MYO16: variants seen among roughly 807,000 people sequenced by gnomAD.
MYO16 encodes unconventional myosin-XVI.
MYO16 carries 94 observed loss-of-function variants against 205.3 expected under a neutral mutation model. That is an observed-to-expected ratio of 0.46 (90% confidence interval 0.39 to 0.54). The LOEUF (loss-of-function observed/expected upper bound fraction) is 0.54. MYO16 is among the 20% of genes least tolerant of loss of function. The pLI is 0.00. For synonymous variants in MYO16, 988 were observed against 954.0 expected, an observed-to-expected ratio of 1.04 and a Z score of -0.66; for missense variants, 2,315 against 2,387.5, an observed-to-expected ratio of 0.97 and a Z score of 0.63.
chr13:108,704,153 A>T (rs1883412945), intron 2 of MYO16, among the ~76,000 whole-genome samples: 1 of 152,210 alleles, frequency 6.6e-6, no homozygotes, highest in South Asian at 2.1e-4. Flanking sequence ...TGTGTAAACT[A>T]GCCATCCGAG....
At chr13:108,715,017 T>G (rs1883886702) in intron 3 of MYO16, among the ~76,000 whole-genome samples, 1 of 152,198 alleles carries the variant, frequency 6.6e-6, no homozygotes, top group Non-Finnish European at 1.5e-5. Context: ...GTGTCACTTC[T>G]GTATCTGAAA....
chr13:109,023,254 A>T, intron 23 of MYO16, among the ~76,000 whole-genome samples: 1 of 101,774 alleles, frequency 9.8e-6, no homozygotes, highest in African/African-American at 3.9e-5. Flanking sequence ...ATATATATTT[A>T]TATATTATAC....
chr13:108,943,703 G>C (rs1275008772), intron 16 of MYO16, among the ~76,000 whole-genome samples: 1 of 151,646 alleles, frequency 6.6e-6, no homozygotes, highest in Admixed American at 6.6e-5. Flanking sequence ...CACCTGCCTC[G>C]GCCTCCCAAA....
intron 20 of MYO16, among the ~76,000 whole-genome samples, chr13:108,976,115 C>G (rs1047023518): frequency 7.9e-5 from 12 of 151,990 alleles, no homozygotes; most frequent in African/African-American, 2.7e-4. Context: ...AAAAGCAGAG[C>G]AATAAGAAAA....
intron 23 of MYO16, among the ~76,000 whole-genome samples, chr13:109,042,913 A>C (rs946663276): frequency 6.6e-6 from 1 of 152,232 alleles, no homozygotes; most frequent in African/African-American, 2.4e-5. Flanking sequence ...GCCATCAGCA[A>C]ATGTTTGTCG....
At chr13:108,616,021 C>T (rs1300387483) in intron 1 of MYO16, among the ~76,000 whole-genome samples, 1 of 152,198 alleles carries the variant, frequency 6.6e-6, no homozygotes, top group Non-Finnish European at 1.5e-5. Context: ...CATGGCACTG[C>T]ATAAACACTT....
chr13:109,126,395 A>G (rs1047607403), intron 30 of MYO16, among the ~76,000 whole-genome samples: 8 of 152,218 alleles, frequency 5.3e-5, no homozygotes, highest in Non-Finnish European at 1.0e-4. Context: ...ACAGAAAGAT[A>G]TAATTATAAA....
chr13:108,688,818 A>G (rs778292974), intron 2 of MYO16, among the ~76,000 whole-genome samples: 3 of 152,196 alleles, frequency 2.0e-5, no homozygotes, highest in Non-Finnish European at 4.4e-5. Flanking sequence ...GGAAGCAGTG[A>G]TGTGTGAGTT....
intron 31 of MYO16, among the ~76,000 whole-genome samples, chr13:109,131,458 C>T (rs1390203294): frequency 2.0e-5 from 3 of 152,118 alleles, no homozygotes; most frequent in Admixed American, 6.5e-5. Context: ...GCCTCAAAAG[C>T]GTGAAACAAT....
In MYO16 at chr13:108,766,581, A is replaced by G. The variant is rs377539352; in HGVS notation, c.508-19054A>G. 8.5e-5 allele frequency among the ~76,000 whole-genome samples: 13 copies of G among 152,302 alleles called. No individual in the cohort carries two copies. The East Asian group carries it at 9.7e-4, about 11-fold the overall frequency. On this transcript the variant is annotated intron_variant, in intron 4 of 34. Transcript: ENST00000457511. ...ACCCTTATAAAATCGCCTTCATACC[A>G]ATTGCCTGCATCAACAACAGTAAAG...
At position 108,720,761 on chromosome 13, in the gene MYO16, G is replaced by A. The variant is rs72666757; in HGVS notation, c.364-6679G>A. 4.4e-3 allele frequency among the ~76,000 whole-genome samples: 666 copies of A among 152,306 alleles called. 2 individuals carry two copies. Among genetic ancestry groups the A allele is most frequent in the Non-Finnish European group, 5.6e-3 (378 of 68,024 alleles). ...CTTGCATTGTAAAACATGTAGACTTGTGAAAAGTCATGTTAAAATAGATCC... is the reference window on the plus strand; with the variant it reads ...CTTGCATTGTAAAACATGTAGACTTATGAAAAGTCATGTTAAAATAGATCC... On this transcript the variant is annotated intron_variant, in intron 3 of 34. Transcript: ENST00000457511.
intron 20 of MYO16, among the ~76,000 whole-genome samples, chr13:108,965,401 CT>C (rs1184144164): frequency 8.5e-5 from 13 of 152,074 alleles, no homozygotes; most frequent in East Asian, 7.7e-4. Flanking sequence ...TATCCCTAAT[CT>C]TTTTTTTATT....
chr13:108,832,675 A>G (rs966975223), intron 9 of MYO16, among the ~76,000 whole-genome samples: 2 of 152,208 alleles, frequency 1.3e-5, no homozygotes, highest in Non-Finnish European at 2.9e-5. Flanking sequence ...TTCACTTCAC[A>G]TTAATATATT....
Position 108,751,544 on chromosome 13 carries a change from C to T in MYO16, c.507+23961C>T, listed in dbSNP as rs1277860141. 3.3e-5 allele frequency among the ~76,000 whole-genome samples: 5 copies of T among 152,224 alleles called. No individual in the cohort carries two copies. The East Asian group carries it at 5.8e-4, about 18-fold the overall frequency. On this transcript the variant is annotated intron_variant, in intron 4 of 34. Coordinates refer to ENST00000457511, the MANE Select transcript of MYO16 (RefSeq NM_001198950.3). ...CATCCTCAGAGAATTTTAGCATAAA[C>T]CCCCACTCCTGAAATTTGGGCTGCT...
the MYO16 span, among the ~76,000 whole-genome samples, chr13:108,517,600 A>G: frequency 8.5e-5 from 13 of 152,358 alleles, no homozygotes; most frequent in African/African-American, 2.9e-4. Context: ...ATTGAAATTG[A>G]AATACAATGT....
chr13:109,139,094 A>T (rs1876914134), intron 31 of MYO16, among the ~76,000 whole-genome samples: 1 of 152,112 alleles, frequency 6.6e-6, no homozygotes, highest in African/African-American at 2.4e-5. Flanking sequence ...TGCTGGGACT[A>T]CAAGTGCCCG....
chr13:108,627,898 C>G (rs1879807243), upstream of MYO16, among the ~76,000 whole-genome samples: 1 of 152,042 alleles, frequency 6.6e-6, no homozygotes, highest in African/African-American at 2.4e-5. Context: ...GGTATATAGG[C>G]AACATACTAT....
intron 27 of MYO16, among the ~76,000 whole-genome samples, chr13:109,081,015 C>T (rs1032696122): frequency 3.3e-5 from 5 of 151,920 alleles, no homozygotes; most frequent in South Asian, 2.1e-4. Context: ...CAAACAAAAA[C>T]GTATTGACAG....
At chr13:108,881,689 G>A (rs992127104) in intron 12 of MYO16, among the ~76,000 whole-genome samples, 6 of 152,096 alleles carry the variant, frequency 3.9e-5, no homozygotes, top group Non-Finnish European at 7.3e-5. Context: ...TGGAAGAAAG[G>A]GTATCAGTGA....
Sources: gnomAD v4.1 joint callset for allele counts (sites outside exome capture counted in the v4.1 genomes callset) on GRCh38, gnomAD v4.1.1 for gene constraint, MANE v1.5 for transcripts, NCBI Gene and HGNC (gene_info 2026-07-23, HGNC 2026-07-21) for gene names.